The following VDR variants were observed in gnomAD, a reference collection of about 807,000 sequenced individuals.
VDR encodes the protein vitamin D3 receptor.
Under a neutral mutation model 39.7 loss-of-function variants are expected in VDR, and 19 were observed. The observed-to-expected ratio is 0.48, with a 90% CI of 0.33 to 0.70. The LOEUF is 0.70. VDR is among the 30% of genes least tolerant of loss of function. The pLI is 0.02. For missense variants in VDR, 442 were observed against 570.5 expected (o/e 0.77, Z 2.29); for synonymous variants, 242 against 215.8 (o/e 1.12, Z -1.07).
At chr12:47,881,566 A>G (rs1261023488) in intron 2 of VDR, among the ~76,000 whole-genome samples, 1 of 152,178 alleles carries the variant, frequency 6.6e-6, no homozygotes, top group South Asian at 2.1e-4. Context: ...TGTGCATTAT[A>G]TAGTAGCAGT....
chr12:47,884,356 C>T (rs1946215894), intron 1 of VDR, among the ~76,000 whole-genome samples: 1 of 152,210 alleles, frequency 6.6e-6, no homozygotes, highest in Non-Finnish European at 1.5e-5. Flanking sequence ...AGCAGTCCTA[C>T]TTGTAGCAAA....
intron 1 of VDR, among the ~76,000 whole-genome samples, chr12:47,902,827 T>A (rs1285297470): frequency 6.6e-6 from 1 of 152,202 alleles, no homozygotes; most frequent in Non-Finnish European, 1.5e-5. Flanking sequence ...AACCACCTGA[T>A]GTAGTAGCCA....
intron 3 of VDR, among the ~76,000 whole-genome samples, chr12:47,876,239 G>GTGTGTA (rs55663517): frequency 5.3e-5 from 8 of 151,538 alleles, no homozygotes; most frequent in Non-Finnish European, 1.2e-4. Context: ...GTGTGTGTGT[G>GTGTGTA]CATGTGTGTG....
At chr12:47,863,598 C>T (rs377742825) in intron 4 of VDR, among the ~76,000 whole-genome samples, 1 of 152,312 alleles carries the variant, frequency 6.6e-6, no homozygotes, top group East Asian at 1.9e-4. Flanking sequence ...TTAAGGCACC[C>T]GGGCCTCCAG....
chr12:47,891,687 G>C (rs1375852684), intron 1 of VDR, among the ~76,000 whole-genome samples: 3 of 152,158 alleles, frequency 2.0e-5, no homozygotes, highest in Admixed American at 1.3e-4. Context: ...CATAAAGCCT[G>C]TGGCTCCCAA....
intron 7 of VDR, among the ~76,000 whole-genome samples, chr12:47,847,892 A>G (rs1204124656): frequency 1.3e-5 from 2 of 151,660 alleles, no homozygotes; most frequent in African/African-American, 4.8e-5. Flanking sequence ...ACAGGTGCAC[A>G]CCATCACGCC....
Position 47,870,961 on chromosome 12 carries a change from G to C in VDR, c.147-5784C>G, listed in dbSNP as rs560479546. The stretch of plus-strand genomic sequence containing the variant: ...CCCAGCAAATCTAAAGGAATAAAAA[G>C]ACCTACATCAAATGATGTAGGGGCC... On this transcript the variant is annotated intron_variant, in intron 3 of 9. Transcript: ENST00000549336. Among the ~76,000 whole-genome samples, 81 of 152,226 alleles carry C rather than the reference G, an allele frequency of 5.3e-4. No homozygotes were observed. In the South Asian group the frequency reaches 0.016, roughly 30 times the overall value.
At chr12:47,875,946 G>T (rs1407843155) in intron 3 of VDR, among the ~76,000 whole-genome samples, 2 of 152,188 alleles carry the variant, frequency 1.3e-5, no homozygotes, top group South Asian at 2.1e-4. Flanking sequence ...TCACGGCCTT[G>T]CACTTAGGAA....
intron 2 of VDR, 66 bp downstream of exon 2, chr12:47,882,628 T>TGGCC: frequency 5.3e-6 from 1 of 187,188 alleles, no homozygotes; most frequent in Non-Finnish European, 9.9e-6. Context: ...CTTATGCCCC[T>TGGCC]CCCCCCCACC....
chr12:47,855,485 A>C (rs1945465997), intron 7 of VDR, 145 bp downstream of exon 7: 1 of 945,180 alleles, frequency 1.1e-6, no homozygotes, highest in Non-Finnish European at 1.6e-6. Flanking sequence ...GCGCCACTGC[A>C]CTCCAGCCTG....
intron 3 of VDR, among the ~76,000 whole-genome samples, chr12:47,865,427 GGGGGGACA>G (rs1945710667): frequency 6.6e-6 from 1 of 152,002 alleles, no homozygotes; most frequent in East Asian, 1.9e-4. Context: ...TGTTTCTTTT[GGGGGGACA>G]GGGTGTTGCT....
intron 1 of VDR, among the ~76,000 whole-genome samples, chr12:47,900,555 G>T (rs1946539651): frequency 6.6e-6 from 1 of 152,116 alleles, no homozygotes; most frequent in Non-Finnish European, 1.5e-5. Flanking sequence ...GAACATAACT[G>T]GTTCCTACCT....
chr12:47,869,642 C>G (rs1165644352), intron 3 of VDR, among the ~76,000 whole-genome samples: 1 of 151,660 alleles, frequency 6.6e-6, no homozygotes, highest in African/African-American at 2.4e-5. Flanking sequence ...CGCCTGTAAG[C>G]CCAGCACTTT....
chr12:47,871,347 T>TTTCTTTCTTTCTTTCTTTC (rs1945869551), intron 3 of VDR, among the ~76,000 whole-genome samples: 1 of 147,176 alleles, frequency 6.8e-6, no homozygotes, highest in Admixed American at 6.9e-5. Context: ...TCTTTCTTTC[T>TTTCTTTCTTTCTTTCTTTC]TTCTTTCTTT....
rs11574087 is a variant in VDR at position 47,856,241 on chromosome 12, C to A, written c.584-440G>T. Among the ~76,000 whole-genome samples, 1,007 of 152,260 alleles carry A rather than the reference C, an allele frequency of 6.6e-3. 15 individuals carry two copies. The highest frequency in any genetic ancestry group is 0.023 in the African/African-American group (950 of 41,538). Reference sequence around the variant, plus strand: ...AAAGATGCAGGAAATTAGGCAATGCCTATGAGGGCTGGGGTGCTAAAGGAG... The same window carrying A: ...AAAGATGCAGGAAATTAGGCAATGCATATGAGGGCTGGGGTGCTAAAGGAG... On this transcript the variant is annotated intron_variant, in intron 6 of 9. Coordinates refer to ENST00000549336, the MANE Select transcript of VDR (RefSeq NM_000376.3).
Position 47,871,355 on chromosome 12 carries a change from T to TTTCTTTCTTTCTTTCG in VDR, c.147-6179_147-6178insCGAAAGAAAGAAAGAA, listed in dbSNP as rs1565622821. ...CTTTCTTTCTTTCTTTCTTTCTTTC[T>TTTCTTTCTTTCTTTCG]TTCCTTTCTCTCTCTCTCTCTCTTC... On this transcript the variant is annotated intron_variant, in intron 3 of 9. Coordinates refer to ENST00000549336, the MANE Select transcript of VDR (RefSeq NM_000376.3). Among the ~76,000 whole-genome samples, 33 of 146,638 alleles carry TTTCTTTCTTTCTTTCG rather than the reference T, an allele frequency of 2.3e-4. No homozygotes were observed. In the South Asian group the frequency reaches 6.0e-3, roughly 27 times the overall value.
rs115799251 is a variant in VDR, at chr12:47,888,126, C to T, written c.-83-5352G>A. On this transcript the variant is annotated intron_variant, in intron 1 of 9. Coordinates refer to ENST00000549336, the MANE Select transcript of VDR (RefSeq NM_000376.3). ...GGTACTTCTTACATGGCAGTGGCAA[C>T]GGAAAAATACGGAAGAAGCAAAAGT... Among the ~76,000 whole-genome samples, 293 of 152,106 alleles carry T rather than the reference C, an allele frequency of 1.9e-3. 1 individual carries two copies. The highest frequency in any genetic ancestry group is 6.4e-3 in the African/African-American group (266 of 41,458).
At chr12:47,859,846 C>A (rs1196321445) in intron 4 of VDR, among the ~76,000 whole-genome samples, 1 of 69,382 alleles carries the variant, frequency 1.4e-5, no homozygotes, top group Non-Finnish European at 2.8e-5. Context: ...CTTTCCCTTC[C>A]TTCCTTCCTT....
intron 7 of VDR, among the ~76,000 whole-genome samples, chr12:47,848,791 T>G (rs1364806488): frequency 2.0e-5 from 3 of 152,188 alleles, no homozygotes; most frequent in Middle Eastern, 3.4e-3. Flanking sequence ...GGTCTCGAAC[T>G]CCTGACCTCA....
Sources: gnomAD v4.1 joint callset for allele counts (sites outside exome capture counted in the v4.1 genomes callset) on GRCh38, gnomAD v4.1.1 for gene constraint, MANE v1.5 for transcripts, NCBI Gene and HGNC (gene_info 2026-07-23, HGNC 2026-07-21) for gene names.